SLC25A21: variants seen among roughly 807,000 people sequenced by gnomAD.
SLC25A21 encodes solute carrier family 25 member 21.
In SLC25A21, 47 loss-of-function variants were observed where a neutral mutation model predicts 43.8. That is an observed-to-expected ratio of 1.07 (90% CI 0.85 to 1.37). SLC25A21 has a LOEUF of 1.37. Among genes scored for constraint, SLC25A21 ranks in the 40% most tolerant of loss-of-function variants. The pLI, the probability that SLC25A21 is intolerant of heterozygous loss-of-function variation, is 0.00. For synonymous variants in SLC25A21, 131 were observed against 121.3 expected, an observed-to-expected ratio of 1.08 and a Z score of -0.52; for missense variants, 352 against 350.2, an observed-to-expected ratio of 1.00 and a Z score of -0.04.
chr14:36,793,549 A>C (rs964829884), intron 3 of SLC25A21, among the ~76,000 whole-genome samples: 3 of 150,568 alleles, frequency 2.0e-5, no homozygotes, highest in Admixed American at 6.6e-5. Context: ...AAAAAAAAAA[A>C]CCCAGCATGA....
In SLC25A21 at chr14:36,678,464, T is replaced by C. The variant is rs1489642058; in HGVS notation, c.*2194A>G. ...TTCCTTTGATCTTGTAAAACTTCCA[T>C]TGACATCTGGAGTTCCCAGTCTGGT... On this transcript the variant is annotated 3_prime_UTR_variant, in exon 10 of 10. Coordinates refer to ENST00000331299, the MANE Select transcript of SLC25A21 (RefSeq NM_030631.4). The C allele has an allele frequency of 3.3e-6, 5 of 1,530,772 alleles. No individual in the cohort carries two copies. The highest frequency in any genetic ancestry group is 2.4e-5 in the East Asian group (1 of 40,882). The allele number at this position is 1,530,772 out of a possible 1,614,324, so 94.8% of individuals were successfully genotyped here.
chr14:36,816,420 C>A (rs1888457213), intron 2 of SLC25A21, among the ~76,000 whole-genome samples: 2 of 151,062 alleles, frequency 1.3e-5, no homozygotes, highest in African/African-American at 2.4e-5. Context: ...GACAGGAATA[C>A]AACGAAAGGG....
At chr14:37,012,270 T>C (rs2138740816) in intron 1 of SLC25A21, among the ~76,000 whole-genome samples, 1 of 152,336 alleles carries the variant, frequency 6.6e-6, no homozygotes, top group Non-Finnish European at 1.5e-5. Context: ...AATTTAGGAA[T>C]AAAGGTTTAA....
chr14:37,116,532 T>A (rs1164931571), intron 1 of SLC25A21, among the ~76,000 whole-genome samples: 3 of 152,170 alleles, frequency 2.0e-5, no homozygotes, highest in African/African-American at 7.2e-5. Flanking sequence ...AGCTATGTTC[T>A]CATTTTCAAA....
In SLC25A21 at chr14:36,897,486, C is replaced by T. The variant is rs538084319; in HGVS notation, c.71-22482G>A. 2.6e-5 allele frequency among the ~76,000 whole-genome samples: 4 copies of T among 152,098 alleles called. No individual in the cohort carries two copies. The South Asian group carries it at 8.3e-4, about 32-fold the overall frequency. ...CTTCTTTGCCATGGGTTCGAACTTC[C>T]TCCTTTAGCTCAGAGTAGTTTGATC... On this transcript the variant is annotated intron_variant, in intron 1 of 9. Coordinates refer to ENST00000331299, the MANE Select transcript of SLC25A21 (RefSeq NM_030631.4).
At chr14:36,930,889 T>C (rs1892268490) in intron 1 of SLC25A21, among the ~76,000 whole-genome samples, 1 of 152,084 alleles carries the variant, frequency 6.6e-6, no homozygotes, top group South Asian at 2.1e-4. Context: ...ATTTCCAGTA[T>C]TTGCTTCCCC....
intron 3 of SLC25A21, among the ~76,000 whole-genome samples, chr14:36,735,561 T>A (rs1191032662): frequency 6.6e-6 from 1 of 151,868 alleles, no homozygotes; most frequent in Non-Finnish European, 1.5e-5. Flanking sequence ...TCCCTTAAAC[T>A]GGGTCCACTT....
chr14:36,681,924 G>A (rs992296117), intron 9 of SLC25A21, among the ~76,000 whole-genome samples: 5 of 152,152 alleles, frequency 3.3e-5, no homozygotes, highest in African/African-American at 7.2e-5. Flanking sequence ...GTAGGTAATC[G>A]CTGCATTTAT....
chr14:36,747,007 A>T (rs1438673263), intron 3 of SLC25A21, among the ~76,000 whole-genome samples: 1 of 152,192 alleles, frequency 6.6e-6, no homozygotes, highest in Non-Finnish European at 1.5e-5. Flanking sequence ...ATATATGCAC[A>T]CACACACTCT....
rs575344321 is a variant in SLC25A21, at chr14:36,679,107, G to A, written c.*1551C>T. On this transcript the variant is annotated 3_prime_UTR_variant, in exon 10 of 10. Coordinates refer to ENST00000331299, the MANE Select transcript of SLC25A21 (RefSeq NM_030631.4). ...ATTTCATGACCTCTATGCAGGCAGC[G>A]CTCTCATTGGATGTAAGAATATTAC... 18 of 985,356 alleles carry A rather than the reference G, an allele frequency of 1.8e-5. No homozygotes were observed. In the Admixed American group the frequency reaches 3.1e-4, roughly 17 times the overall value. The allele number at this position is 985,356 out of a possible 1,614,324, so 61.0% of individuals were successfully genotyped here. A position where few individuals can be genotyped will look rare whatever the true frequency, so the allele number is the denominator to read the frequency against.
At chr14:36,711,182 G>T in intron 7 of SLC25A21, 136 bp downstream of exon 7, 1 of 760,422 alleles carries the variant, frequency 1.3e-6, no homozygotes, top group Non-Finnish European at 2.1e-6. Flanking sequence ...AGCACTCAAT[G>T]CAGATGTAAG....
chr14:37,004,549 A>G (rs1273337399), intron 1 of SLC25A21, among the ~76,000 whole-genome samples: 1 of 152,174 alleles, frequency 6.6e-6, no homozygotes, highest in Non-Finnish European at 1.5e-5. Context: ...TGGATTGAAC[A>G]TTTTCTGTGC....
intron 1 of SLC25A21, among the ~76,000 whole-genome samples, chr14:37,152,386 A>ATTTT (rs3061885): frequency 0.055 from 7,747 of 140,658 alleles, 674 homozygotes; most frequent in African/African-American, 0.17. Flanking sequence ...TTTTATTTCA[A>ATTTT]TTTTTTTTTT....
intron 1 of SLC25A21, among the ~76,000 whole-genome samples, chr14:36,945,438 G>A (rs1482576689): frequency 1.3e-5 from 2 of 152,144 alleles, no homozygotes; most frequent in Non-Finnish European, 1.5e-5. Flanking sequence ...CGCTATTCAT[G>A]AGAGGCAAGA....
chr14:37,147,095 G>A (rs1963679460), intron 1 of SLC25A21, among the ~76,000 whole-genome samples: 1 of 152,084 alleles, frequency 6.6e-6, no homozygotes, highest in Admixed American at 6.6e-5. Flanking sequence ...AGACCCTCTA[G>A]AACTCCTTCA....
intron 1 of SLC25A21, among the ~76,000 whole-genome samples, chr14:37,062,813 T>C (rs1423716351): frequency 6.6e-6 from 1 of 152,182 alleles, no homozygotes; most frequent in Non-Finnish European, 1.5e-5. Flanking sequence ...GAGGCTATCT[T>C]AGCAGAAGTG....
At chr14:36,701,454 C>T (rs1260392825) in intron 7 of SLC25A21, among the ~76,000 whole-genome samples, 2 of 152,154 alleles carry the variant, frequency 1.3e-5, no homozygotes, top group Non-Finnish European at 2.9e-5. Context: ...AAAACCTCTG[C>T]ATCTAAATGT....
intron 1 of SLC25A21, among the ~76,000 whole-genome samples, chr14:37,044,083 C>A (rs1961537733): frequency 6.6e-6 from 1 of 151,548 alleles, no homozygotes; most frequent in Non-Finnish European, 1.5e-5. Flanking sequence ...CACACCCAGC[C>A]CTCTCAAGCT....
At chr14:36,848,980 G>T (rs1271132234) in intron 2 of SLC25A21, among the ~76,000 whole-genome samples, 1 of 152,064 alleles carries the variant, frequency 6.6e-6, no homozygotes, top group Non-Finnish European at 1.5e-5. Context: ...GATGATTCAT[G>T]GTAAACTTTC....
Sources: gnomAD v4.1 joint callset for allele counts (sites outside exome capture counted in the v4.1 genomes callset) on GRCh38, gnomAD v4.1.1 for gene constraint, MANE v1.5 for transcripts, NCBI Gene and HGNC (gene_info 2026-07-23, HGNC 2026-07-21) for gene names.